ZMYM1: variants seen among roughly 807,000 people sequenced by gnomAD.
ZMYM1 encodes zinc finger MYM-type containing 1.
A neutral mutation model predicts 60.0 loss-of-function variants in ZMYM1; 39 were observed. That is an observed-to-expected ratio of 0.65 (90% CI 0.50 to 0.85). ZMYM1 has a LOEUF of 0.85. Ranked by LOEUF, ZMYM1 falls within the 40% of genes least tolerant of loss-of-function variation. The pLI, the probability that ZMYM1 is intolerant of heterozygous loss-of-function variation, is 0.00. For synonymous variants in ZMYM1, 413 were observed against 454.0 expected, an observed-to-expected ratio of 0.91 and a Z score of 1.15; for missense variants, 1,171 against 1,309.5, an observed-to-expected ratio of 0.89 and a Z score of 1.63.
intron 1 of ZMYM1, among the ~76,000 whole-genome samples, chr1:35,073,827 G>A (rs1374979371): frequency 6.6e-6 from 1 of 151,914 alleles, no homozygotes; most frequent in African/African-American, 2.4e-5. Context: ...GTTGTTTGTC[G>A]CTCTGTCCCC....
intron 1 of ZMYM1, among the ~76,000 whole-genome samples, chr1:35,070,641 G>A (rs1163333209): frequency 1.3e-5 from 2 of 152,130 alleles, no homozygotes; most frequent in Non-Finnish European, 2.9e-5. Context: ...CCAGTACTAT[G>A]ATGAATAGGA....
In ZMYM1 at chr1:35,104,687, G is replaced by A. The variant is rs1643825417; in HGVS notation, c.725G>A (p.Ser242Asn). ...CENCGTYCYT[S>N]SSLSHILQME... ...AACTGTGGCACTTACTGTTACACCAGCTCTAGTCTGTCCCACATACTTCAG... is the reference window on the plus strand; with the variant it reads ...AACTGTGGCACTTACTGTTACACCAACTCTAGTCTGTCCCACATACTTCAG... The change falls in exon 6 of 10, where the codon AGC becomes AAC. Residue 242 changes from serine to asparagine, a missense_variant. By Grantham distance (46) the Ser-to-Asn change is conservative (BLOSUM62 1). Transcript: ENST00000359858. 6.2e-6 allele frequency: 10 copies of A among 1,614,006 alleles called. No homozygotes were observed. Among genetic ancestry groups the A allele is most frequent in the African/African-American group, 1.3e-5 (1 of 74,916 alleles).
chr1:35,060,703 C>T (rs1641858365), intron 1 of ZMYM1, among the ~76,000 whole-genome samples: 2 of 152,158 alleles, frequency 1.3e-5, no homozygotes, highest in African/African-American at 4.8e-5. Flanking sequence ...AGGGCAGGGG[C>T]TTGGACATCC....
intron 1 of ZMYM1, among the ~76,000 whole-genome samples, chr1:35,066,286 C>T (rs1424319469): frequency 3.9e-5 from 6 of 152,202 alleles, no homozygotes; most frequent in Non-Finnish European, 7.3e-5. Context: ...CAACCTCCAA[C>T]TCCTGGGTTC....
At chr1:35,100,959 C>G (rs1436877071) in intron 4 of ZMYM1, among the ~76,000 whole-genome samples, 2 of 151,908 alleles carry the variant, frequency 1.3e-5, no homozygotes, top group Non-Finnish European at 2.9e-5. Flanking sequence ...ACATGCCACC[C>G]TGCCTGTCCA....
At chr1:35,103,262 C>T (rs1209623906) in intron 4 of ZMYM1, among the ~76,000 whole-genome samples, 1 of 152,134 alleles carries the variant, frequency 6.6e-6, no homozygotes, top group Non-Finnish European at 1.5e-5. Context: ...CTCCTAATTT[C>T]CCTCTCCCCC....
chr1:35,071,879 C>T (rs1642073759), intron 1 of ZMYM1, among the ~76,000 whole-genome samples: 1 of 152,100 alleles, frequency 6.6e-6, no homozygotes, highest in Admixed American at 6.6e-5. Context: ...TGGCTCATGC[C>T]GGTAATCCCA....
At chr1:35,082,813 C>G (rs532042378) in intron 1 of ZMYM1, among the ~76,000 whole-genome samples, 148 of 151,744 alleles carry the variant, frequency 9.8e-4, no homozygotes, top group Non-Finnish European at 1.8e-3. Context: ...AACCCCGTCT[C>G]TACTAATAAT....
chr1:35,095,865 AAAT>A lies in ZMYM1; in HGVS notation c.146_148del (p.Ile49del), dbSNP rs1643285317. 1.2e-6 allele frequency: 2 copies of A among 1,610,400 alleles called. No homozygotes were observed. The highest frequency in any genetic ancestry group is 8.5e-7 in the Non-Finnish European group (1 of 1,177,704). On this transcript the variant is annotated inframe_deletion, in exon 3 of 10. Transcript: ENST00000359858. ...TCCAGAACTCAGGAGAATGAACTGA[AAAT>A]AAATGCTGTGTTTTCAGAGAGTGGT...
chr1:35,109,030 C>G (rs1392431984), intron 6 of ZMYM1, among the ~76,000 whole-genome samples: 1 of 151,086 alleles, frequency 6.6e-6, no homozygotes, highest in Non-Finnish European at 1.5e-5. Flanking sequence ...TTTTTTCTTT[C>G]TTTTTTTGAG....
At chr1:35,078,580 T>C (rs1642219000), upstream of ZMYM1, among the ~76,000 whole-genome samples, 1 of 133,090 alleles carries the variant, frequency 7.5e-6, no homozygotes, top group Admixed American at 8.1e-5. Context: ...ACGCAGTCTC[T>C]CTCTGTCGCT....
At chr1:35,076,788 T>G (rs1394238475), upstream of ZMYM1, among the ~76,000 whole-genome samples, 6 of 151,704 alleles carry the variant, frequency 4.0e-5, no homozygotes, top group Admixed American at 2.6e-4. Context: ...CAAAATTAGC[T>G]GGGCATGATG....
At chr1:35,096,015 G>T in intron 3 of ZMYM1, 124 bp downstream of exon 3, 1 of 734,714 alleles carries the variant, frequency 1.4e-6, no homozygotes, top group Non-Finnish European at 2.3e-6. Flanking sequence ...GAAGTAACCT[G>T]TAAGAAAATG....
chr1:35,075,220 G>A (rs1305138882), upstream of ZMYM1, among the ~76,000 whole-genome samples: 1 of 152,054 alleles, frequency 6.6e-6, no homozygotes, highest in Non-Finnish European at 1.5e-5. Flanking sequence ...CTTACTTTTG[G>A]TTTCTGTTTG....
intron 2 of ZMYM1, among the ~76,000 whole-genome samples, chr1:35,094,602 C>A (rs1170942607): frequency 6.6e-6 from 1 of 152,170 alleles, no homozygotes; most frequent in Non-Finnish European, 1.5e-5. Context: ...CACCTGTAAT[C>A]CCAGAACTTT....
At position 35,111,743 on chromosome 1, in the gene ZMYM1, T is replaced by G. The variant is rs1481890940; in HGVS notation, c.962-29T>G. 3.2e-6 allele frequency: 5 copies of G among 1,540,434 alleles called. No homozygotes were observed. The South Asian group carries it at 3.8e-5, about 12-fold the overall frequency. Reference sequence around the variant, plus strand: ...CTTTCTGATGATTGATTTTGCCTTGTTTATAAGAAATCTTTTTATTGTTGT... The same window carrying G: ...CTTTCTGATGATTGATTTTGCCTTGGTTATAAGAAATCTTTTTATTGTTGT... On this transcript the variant is annotated intron_variant, in intron 7 of 9. Transcript: ENST00000359858.
rs747543850 is a variant in ZMYM1 at position 35,114,155 on chromosome 1, C to A, written c.2325C>A (p.Phe775Leu). ...RSALKTLSSL[F>L]NTICMSGEML... ...CTCTAAAAACTCTCAGTTCTTTGTTCAACACTATTTGTATGTCTGGGGAAA... is the reference window on the plus strand; with the variant it reads ...CTCTAAAAACTCTCAGTTCTTTGTTAAACACTATTTGTATGTCTGGGGAAA... Residue 775 changes from phenylalanine to leucine, a missense_variant, in exon 10 of 10, where the codon TTC (phenylalanine) becomes TTA (leucine). Coordinates refer to ENST00000359858, the MANE Select transcript of ZMYM1 (RefSeq NM_024772.5). 78 of 1,610,206 alleles carry A rather than the reference C, an allele frequency of 4.8e-5. 3 individuals carry two copies. The South Asian group carries it at 8.5e-4, about 17-fold the overall frequency.
At chr1:35,095,445 C>T (rs919694584) in intron 2 of ZMYM1, among the ~76,000 whole-genome samples, 2 of 148,084 alleles carry the variant, frequency 1.4e-5, no homozygotes, top group Non-Finnish European at 3.0e-5. Flanking sequence ...GAGACGAGAT[C>T]GCGTCACTGT....
At position 35,114,123 on chromosome 1, in the gene ZMYM1, C is replaced by G. The variant is rs751456082; in HGVS notation, c.2293C>G (p.Arg765Gly). 2.5e-6 allele frequency: 4 copies of G among 1,611,952 alleles called. No individual in the cohort carries two copies. The East Asian group carries it at 8.9e-5, about 36-fold the overall frequency. Residue 765 changes from arginine (R) to glycine (G), a missense_variant, in exon 10 of 10, where the codon CGA (arginine) becomes GGA (glycine). Physicochemically the swap from Arg to Gly is moderately radical, Grantham distance 125. Coordinates refer to ENST00000359858, the MANE Select transcript of ZMYM1 (RefSeq NM_024772.5). ...IRFCKEVKEL[R>G]SALKTLSSLF... ...GTTTTGTAAAGAAGTAAAAGAACTC[C>G]GAAGTGCTCTAAAAACTCTCAGTTC...
Sources: allele counts gnomAD v4.1 joint callset (sites outside exome capture counted in the v4.1 genomes callset), GRCh38; gene constraint gnomAD v4.1.1; transcripts MANE v1.5; gene names NCBI Gene and HGNC (gene_info 2026-07-23, HGNC 2026-07-21).